Variants in POPDC3 observed in about 807,000 individuals in gnomAD.
POPDC3 encodes the protein popeye domain cAMP effector 3, also known as popeye domain-containing protein 3.
In POPDC3, 20 loss-of-function variants were observed where a neutral mutation model predicts 28.2. The observed-to-expected ratio is 0.71, with a 90% CI of 0.50 to 1.03. The LOEUF is 1.03. POPDC3 is among the 50% of genes least tolerant of loss of function. POPDC3 has a pLI of 0.00. For synonymous variants in POPDC3, 118 were observed against 124.1 expected (o/e 0.95, Z 0.33); for missense variants, 316 against 345.9 (o/e 0.91, Z 0.69).
In POPDC3 at chr6:105,158,773, A is replaced by G. The variant is rs201331646; in HGVS notation, c.595-22T>C. Reference sequence around the variant, plus strand: ...TTACCTAAAAAACACAAGACCACACATAAACAGATGTGGAAGCAAGAAAAC... The same window carrying G: ...TTACCTAAAAAACACAAGACCACACGTAAACAGATGTGGAAGCAAGAAAAC... On this transcript the variant is annotated intron_variant, in intron 3 of 3. Coordinates refer to ENST00000254765, the MANE Select transcript of POPDC3 (RefSeq NM_022361.5). 20 of 1,548,826 alleles carry G rather than the reference A, an allele frequency of 1.3e-5. No homozygotes were observed. In the East Asian group the frequency reaches 4.1e-4, roughly 32 times the overall value.
chr6:105,163,355 T>C (rs1207313221), intron 1 of POPDC3, among the ~76,000 whole-genome samples: 2 of 152,200 alleles, frequency 1.3e-5, no homozygotes, highest in Non-Finnish European at 2.9e-5. Context: ...AATGCTAATA[T>C]GTAATCTGAG....
chr6:105,163,987 T>C (rs1367440858), intron 1 of POPDC3, among the ~76,000 whole-genome samples: 1 of 152,204 alleles, frequency 6.6e-6, no homozygotes, highest in Non-Finnish European at 1.5e-5. Flanking sequence ...CACAAAATTT[T>C]ATTCTACTGG....
intron 1 of POPDC3, 54 bp downstream of exon 1, chr6:105,179,779 T>G (rs1439053894): frequency 6.6e-6 from 1 of 152,078 alleles, no homozygotes; most frequent in African/African-American, 2.4e-5. Context: ...GGTGCGAGGG[T>G]GCGGACAGCA....
At chr6:105,166,264 A>G (rs557464694) in intron 1 of POPDC3, among the ~76,000 whole-genome samples, 20 of 152,300 alleles carry the variant, frequency 1.3e-4, no homozygotes, top group Admixed American at 1.2e-3. Context: ...CAAAATATAG[A>G]GCCGAGTGGC....
In POPDC3 at chr6:105,162,033, C is replaced by T; in HGVS notation, c.-124G>A. 1 of 1,497,658 alleles carries T rather than the reference C, an allele frequency of 6.7e-7. No homozygotes were observed. The highest frequency in any genetic ancestry group is 1.4e-5 in the South Asian group (1 of 70,508). 92.8% of individuals were successfully genotyped at this position (1,497,658 alleles called of 1,614,324 possible). ...TCTTCACAAAACCAGAGAAAACGGACACTGGAGTTGATGCTGATTAAAGGC... is the reference window on the plus strand; with the variant it reads ...TCTTCACAAAACCAGAGAAAACGGATACTGGAGTTGATGCTGATTAAAGGC... On this transcript the variant is annotated 5_prime_UTR_variant, in exon 2 of 4. Coordinates refer to ENST00000254765, the MANE Select transcript of POPDC3 (RefSeq NM_022361.5).
At chr6:105,163,819 T>C (rs1375212288) in intron 1 of POPDC3, 2 of 152,162 alleles carry the variant, frequency 1.3e-5, no homozygotes, top group Admixed American at 6.5e-5. Context: ...TTACAACTTA[T>C]AGTCATATTG....
intron 1 of POPDC3, among the ~76,000 whole-genome samples, chr6:105,162,854 A>G (rs369321574): frequency 6.6e-6 from 1 of 152,178 alleles, no homozygotes; most frequent in Non-Finnish European, 1.5e-5. Flanking sequence ...GTGTTAATCC[A>G]TGGTCCTCCA....
chr6:105,175,592 C>T (rs747271061), intron 1 of POPDC3, among the ~76,000 whole-genome samples: 12 of 151,650 alleles, frequency 7.9e-5, no homozygotes, highest in Non-Finnish European at 1.2e-4. Flanking sequence ...CCTGTAATCC[C>T]AGCACTTTGG....
At chr6:105,168,270 T>C (rs1446686239) in intron 1 of POPDC3, among the ~76,000 whole-genome samples, 1 of 152,170 alleles carries the variant, frequency 6.6e-6, no homozygotes, top group Non-Finnish European at 1.5e-5. Context: ...TATTACATGG[T>C]TTAATTTTCT....
intron 1 of POPDC3, among the ~76,000 whole-genome samples, chr6:105,173,617 G>A (rs1248536555): frequency 6.6e-6 from 1 of 152,150 alleles, no homozygotes; most frequent in Non-Finnish European, 1.5e-5. Flanking sequence ...GAAAGACTTG[G>A]CCGAGTTAGA....
At position 105,161,717 on chromosome 6, in the gene POPDC3, C is replaced by G. The variant is rs1184901417; in HGVS notation, c.193G>C (p.Ala65Pro). The change falls in exon 2 of 4, where the codon GCT becomes CCT. Residue 65 changes from alanine (A) to proline (P), a missense_variant. Coordinates refer to ENST00000254765, the MANE Select transcript of POPDC3 (RefSeq NM_022361.5). ...CAGACATCTACCCAAGCCCAGACAG[C>G]AGAACAGAGAAAACCCAACCCCAGC... ...SLLGLGFLCS[A>P]VWAWVDVCAA... The G allele has an allele frequency of 4.3e-6, 7 of 1,614,014 alleles. No individual in the cohort carries two copies. The Admixed American group carries it at 8.3e-5, about 19-fold the overall frequency.
chr6:105,161,361 T>A, intron 2 of POPDC3, 64 bp downstream of exon 2: 1 of 1,540,772 alleles, frequency 6.5e-7, no homozygotes. Flanking sequence ...TGGAAAAATA[T>A]AGTGGAAAGA....
chr6:105,177,398 A>C (rs533961362), intron 1 of POPDC3, among the ~76,000 whole-genome samples: 1 of 152,326 alleles, frequency 6.6e-6, no homozygotes, highest in East Asian at 1.9e-4. Context: ...AATAGAGAAA[A>C]TAGTATACAA....
At chr6:105,171,308 C>G (rs1774572990) in intron 1 of POPDC3, among the ~76,000 whole-genome samples, 1 of 152,104 alleles carries the variant, frequency 6.6e-6, no homozygotes, top group South Asian at 2.1e-4. Context: ...TCAAAACATG[C>G]ATTATAACAT....
chr6:105,179,811 GC>G, intron 1 of POPDC3, 21 bp downstream of exon 1: 1 of 152,248 alleles, frequency 6.6e-6, no homozygotes, highest in Non-Finnish European at 1.5e-5. Flanking sequence ...CGGACGCAGC[GC>G]CCCCGGGCTC....
intron 1 of POPDC3, among the ~76,000 whole-genome samples, chr6:105,174,098 A>G (rs1774635152): frequency 1.3e-5 from 2 of 152,264 alleles, no homozygotes; most frequent in South Asian, 4.1e-4. Context: ...CTGGAGTGCA[A>G]TGGCACAATC....
chr6:105,167,998 ATATG>A (rs1243642586), intron 1 of POPDC3, among the ~76,000 whole-genome samples: 1 of 152,236 alleles, frequency 6.6e-6, no homozygotes, highest in Non-Finnish European at 1.5e-5. Flanking sequence ...CAAACATTGC[ATATG>A]TATAATGCAT....
At chr6:105,172,301 C>T (rs1190267) in intron 1 of POPDC3, among the ~76,000 whole-genome samples, 105,201 of 150,898 alleles carry the variant, frequency 0.7, 43,460 homozygotes, top group East Asian at 0.88. Context: ...CATCACTGGC[C>T]ATCACATAAA....
chr6:105,178,713 TTC>T, intron 1 of POPDC3: 2 of 984,974 alleles, frequency 2.0e-6, no homozygotes, highest in Non-Finnish European at 2.4e-6. Context: ...TGTTTATATT[TTC>T]TGTCTCATGT....
Sources: gnomAD v4.1 joint callset for allele counts (sites outside exome capture counted in the v4.1 genomes callset) on GRCh38, gnomAD v4.1.1 for gene constraint, MANE v1.5 for transcripts, NCBI Gene and HGNC (gene_info 2026-07-23, HGNC 2026-07-21) for gene names.